WDR44: variants seen among roughly 807,000 people sequenced by gnomAD.
The protein encoded by WDR44 is WD repeat-containing protein 44.
Under a neutral mutation model 65.7 loss-of-function variants are expected in WDR44, and 9 were observed. The ratio of observed to expected loss-of-function variants is 0.14; its 90% CI spans 0.08 to 0.24. The LOEUF is 0.24. WDR44 is among the 10% of genes least tolerant of loss of function. The probability of loss-of-function intolerance (pLI) is 1.00; values close to 1 mark genes in which losing one functional copy is unlikely to be tolerated. For synonymous variants in WDR44, 220 were observed against 235.2 expected (o/e 0.94, Z 0.59); for missense variants, 425 against 670.9 (o/e 0.63, Z 4.05).
At position 118,428,581 on chromosome X, in the gene WDR44, T is replaced by G. The variant is rs1354316019; in HGVS notation, c.1738-4200T>G. 3.6e-5 allele frequency among the ~76,000 whole-genome samples: 4 copies of G among 112,167 alleles called. No individual in the cohort carries two copies. In the Admixed American group the frequency reaches 3.8e-4, roughly 11 times the overall value. On this transcript the variant is annotated intron_variant, in intron 12 of 19. Transcript: ENST00000254029. ...AAGTTTTCTTTTATGCTTACCTACT[T>G]TTATTAAAACAAATGGAAGAGGGGA... is the stretch of plus-strand genomic sequence containing the variant.
At chrX:118,389,442 C>T (rs1054250472) in intron 3 of WDR44, among the ~76,000 whole-genome samples, 6 of 111,362 alleles carry the variant, frequency 5.4e-5, no homozygotes, top group Non-Finnish European at 9.4e-5. Flanking sequence ...CAGGCTAGGC[C>T]GGGCACGGTG....
intron 1 of WDR44, among the ~76,000 whole-genome samples, chrX:118,352,897 G>A (rs187243608): frequency 3.0e-4 from 33 of 111,159 alleles, no homozygotes; most frequent in African/African-American, 9.5e-4. Flanking sequence ...ACTGAGATAA[G>A]ACAAATCCCA....
chrX:118,357,659 A>T (rs931401754), intron 1 of WDR44, among the ~76,000 whole-genome samples: 2 of 110,508 alleles, frequency 1.8e-5, no homozygotes, highest in African/African-American at 6.6e-5. Context: ...AAGCAGGAAG[A>T]CCCTTTGAGG....
chrX:118,434,130 T>G (rs2057234543), intron 13 of WDR44, among the ~76,000 whole-genome samples: 1 of 112,240 alleles, frequency 8.9e-6, no homozygotes, highest in Non-Finnish European at 1.9e-5. Context: ...TTGAAAGATT[T>G]AAGAAATCAT....
At chrX:118,382,095 C>G (rs1297330316) in intron 2 of WDR44, among the ~76,000 whole-genome samples, 1 of 111,783 alleles carries the variant, frequency 8.9e-6, no homozygotes, top group Non-Finnish European at 1.9e-5. Context: ...TCTGAAACTC[C>G]TGGCCTCAAA....
intron 1 of WDR44, among the ~76,000 whole-genome samples, chrX:118,376,572 ATTAT>A (rs2147684391): frequency 8.9e-6 from 1 of 112,160 alleles, no homozygotes; most frequent in Admixed American, 9.5e-5. Context: ...TGGCATATTA[ATTAT>A]TTAAAACTTT....
chrX:118,369,630 G>A (rs62611074), intron 1 of WDR44, among the ~76,000 whole-genome samples: 13,616 of 106,031 alleles, frequency 0.13, 1,016 homozygotes, highest in African/African-American at 0.27. Context: ...CACCACGCCT[G>A]ACTAATTTTT....
intron 9 of WDR44, 44 bp downstream of exon 9, chrX:118,404,488 G>C (rs1212542733): frequency 1.0e-6 from 1 of 1,001,366 alleles, no homozygotes; most frequent in Non-Finnish European, 1.4e-6. Flanking sequence ...CAATTAATTT[G>C]TAATCGTCTA....
intron 2 of WDR44, among the ~76,000 whole-genome samples, chrX:118,379,073 A>G (rs950168475): frequency 9.1e-6 from 1 of 109,800 alleles, no homozygotes; most frequent in Non-Finnish European, 1.9e-5. Context: ...TAATACTTGC[A>G]TGACAAAAAT....
intron 12 of WDR44, among the ~76,000 whole-genome samples, chrX:118,427,744 G>A (rs753078671): frequency 2.1e-5 from 2 of 93,730 alleles, no homozygotes; most frequent in East Asian, 7.0e-4. Context: ...GCACGATCTC[G>A]GCTCACTGCA....
chrX:118,352,349 TATA>T (rs1170831199), intron 1 of WDR44, among the ~76,000 whole-genome samples: 144 of 28,008 alleles, frequency 5.1e-3, no homozygotes, highest in African/African-American at 0.016. Context: ...TATATATATA[TATA>T]TTTTTTTTTT....
At chrX:118,429,435 A>C (rs1048192001) in intron 12 of WDR44, among the ~76,000 whole-genome samples, 6 of 107,967 alleles carry the variant, frequency 5.6e-5, no homozygotes, top group Non-Finnish European at 7.7e-5. Context: ...CTAAAAATAC[A>C]AAAATTAGAT....
At chrX:118,377,834 C>A (rs1024952752) in intron 1 of WDR44, among the ~76,000 whole-genome samples, 1 of 106,931 alleles carries the variant, frequency 9.4e-6, no homozygotes, top group Non-Finnish European at 1.9e-5. Context: ...CTAAAGCAAT[C>A]CTTGTGCCTC....
chrX:118,447,335 T>C (rs2057354742), intron 19 of WDR44, among the ~76,000 whole-genome samples: 1 of 111,324 alleles, frequency 9.0e-6, no homozygotes, highest in Non-Finnish European at 1.9e-5. Context: ...ATTAACAAGG[T>C]TCAGTTAACT....
At chrX:118,407,450 G>A (rs1245003098) in intron 10 of WDR44, among the ~76,000 whole-genome samples, 3 of 106,503 alleles carry the variant, frequency 2.8e-5, no homozygotes, top group African/African-American at 1.0e-4. Flanking sequence ...GTGGTGAGTC[G>A]AGTTTGTGCC....
At chrX:118,381,566 G>A (rs983935201) in intron 2 of WDR44, among the ~76,000 whole-genome samples, 1 of 95,236 alleles carries the variant, frequency 1.1e-5, no homozygotes, top group Non-Finnish European at 2.0e-5. Context: ...CTTTTCTTTC[G>A]TTCTTTCTTC....
chrX:118,443,922 T>G (rs1383670538), intron 18 of WDR44, among the ~76,000 whole-genome samples: 2 of 110,896 alleles, frequency 1.8e-5, no homozygotes, highest in Non-Finnish European at 3.8e-5. Flanking sequence ...GGCACACGTC[T>G]GTAGTCCCAG....
chrX:118,448,843 C>T lies in WDR44; in HGVS notation c.2648-50C>T, dbSNP rs190894649. ...GGCATGTGATAATTGTGGCAGCAGG[C>T]TTCATATTCCTTTAAAAATCAACTT... is the stretch of plus-strand genomic sequence containing the variant. On this transcript the variant is annotated intron_variant, in intron 19 of 19. Coordinates refer to ENST00000254029, the MANE Select transcript of WDR44 (RefSeq NM_019045.5). The T allele has an allele frequency of 4.4e-5, 40 of 907,361 alleles. No homozygotes were observed. The Admixed American group carries it at 1.1e-3, about 24-fold the overall frequency. 74.8% of individuals were successfully genotyped at this position (907,361 alleles called of 1,213,427 possible).
chrX:118,396,701 T>C (rs2056868721), intron 6 of WDR44, among the ~76,000 whole-genome samples: 1 of 111,881 alleles, frequency 8.9e-6, no homozygotes, highest in South Asian at 3.7e-4. Flanking sequence ...GTAGGGAATT[T>C]CCTTTTGGGG....
Sources: allele counts gnomAD v4.1 joint callset (sites outside exome capture counted in the v4.1 genomes callset), GRCh38; gene constraint gnomAD v4.1.1; transcripts MANE v1.5; gene names NCBI Gene and HGNC (gene_info 2026-07-23, HGNC 2026-07-21).